The following PCDHGA1 variants were observed in gnomAD, a reference collection of about 807,000 sequenced individuals.
PCDHGA1 encodes protocadherin gamma subfamily A, 1, also known as protocadherin gamma-A1.
In PCDHGA1, 32 loss-of-function variants were observed where a neutral mutation model predicts 58.0. The observed-to-expected ratio is 0.55, with a 90% CI of 0.42 to 0.74. The LOEUF is 0.74. Among genes scored for constraint, PCDHGA1 ranks in the 30% least tolerant of loss-of-function variants. The probability of loss-of-function intolerance (pLI) is 0.00; values close to 1 mark genes in which losing one functional copy is unlikely to be tolerated. For missense variants in PCDHGA1, 1,205 were observed against 1,182.3 expected, an observed-to-expected ratio of 1.02 and a Z score of -0.28; for synonymous variants, 498 against 501.1, an observed-to-expected ratio of 0.99 and a Z score of 0.08.
chr5:141,377,724 A>T (rs549902283), intron 1 of PCDHGA1: 1 of 152,244 alleles, frequency 6.6e-6, no homozygotes, highest in Non-Finnish European at 1.5e-5. Flanking sequence ...TTTTGAAAAG[A>T]TAAGAATCAT....
intron 1 of PCDHGA1, chr5:141,388,657 G>T (rs769160604): frequency 6.8e-6 from 11 of 1,613,878 alleles, no homozygotes; most frequent in Admixed American, 1.7e-5. Context: ...GTGTACCCGG[G>T]GACCACGGTG....
intron 1 of PCDHGA1, chr5:141,388,598 T>C: frequency 1.2e-6 from 2 of 1,613,920 alleles, no homozygotes; most frequent in Non-Finnish European, 1.7e-6. Context: ...CCAATGATAA[T>C]GCTCCAGTGT....
At chr5:141,388,908 G>A (rs1240421900) in intron 1 of PCDHGA1, 5 of 1,613,892 alleles carry the variant, frequency 3.1e-6, no homozygotes, top group Admixed American at 1.7e-5. Flanking sequence ...AAATGACAAC[G>A]CCCCAGAAGT....
intron 1 of PCDHGA1, among the ~76,000 whole-genome samples, chr5:141,480,290 C>T (rs1053173416): frequency 2.2e-5 from 3 of 134,088 alleles, no homozygotes; most frequent in Non-Finnish European, 4.7e-5. Flanking sequence ...TGGCATGCAC[C>T]TGTGGTACCA....
Position 141,491,170 on chromosome 5 carries a change from G to A in PCDHGA1, c.2422-3637G>A. The stretch of plus-strand genomic sequence containing the variant: ...GGAGGATGACTCTGACACCCAGCAG[G>A]TGGTGGTCCTGGTGAGGGACAATGG... On this transcript the variant is annotated intron_variant, in intron 1 of 3. Coordinates refer to ENST00000517417, the MANE Select transcript of PCDHGA1 (RefSeq NM_018912.3). The surrounding 1 kb of genome is among the most constrained non-coding windows in gnomAD (Gnocchi z 6.9). 6.2e-7 allele frequency: 1 copy of A among 1,614,176 alleles called. No individual in the cohort carries two copies. Among genetic ancestry groups the A allele is most frequent in the Non-Finnish European group, 8.5e-7 (1 of 1,179,996 alleles).
intron 1 of PCDHGA1, among the ~76,000 whole-genome samples, chr5:141,463,570 T>A (rs557041487): frequency 2.7e-5 from 4 of 146,586 alleles, no homozygotes; most frequent in Middle Eastern, 3.5e-3. Context: ...TGCCTCAGCC[T>A]CCCGAGTAGC....
intron 2 of PCDHGA1, among the ~76,000 whole-genome samples, chr5:141,501,306 C>T (rs1016823458): frequency 5.3e-5 from 8 of 151,412 alleles, no homozygotes; most frequent in Non-Finnish European, 8.8e-5. Context: ...CACACACACA[C>T]ACACACACAC....
intron 2 of PCDHGA1, among the ~76,000 whole-genome samples, chr5:141,496,505 A>G (rs1166234572): frequency 1.3e-5 from 2 of 152,144 alleles, no homozygotes; most frequent in Non-Finnish European, 2.9e-5. Flanking sequence ...TGTTGCCACA[A>G]GGACCCAGGA....
chr5:141,331,726 A>G lies in PCDHGA1; in HGVS notation c.1042A>G (p.Thr348Ala). ...TGTAAATGATAATGCCCCAGAAGTG[A>G]CCATCACCTCTGTCACCACTGCAGT... Reference protein sequence around the residue: ...LDVNDNAPEVTITSVTTAVPE... With the variant: ...LDVNDNAPEVAITSVTTAVPE... Residue 348 changes from threonine (T) to alanine (A), a missense_variant, in exon 1 of 4, where the codon ACC becomes GCC. Coordinates refer to ENST00000517417, the MANE Select transcript of PCDHGA1 (RefSeq NM_018912.3). 3.1e-6 allele frequency: 5 copies of G among 1,614,106 alleles called. No homozygotes were observed. Among genetic ancestry groups the G allele is most frequent in the Non-Finnish European group, 4.2e-6 (5 of 1,180,022 alleles).
chr5:141,341,646 A>C (rs759028955), intron 1 of PCDHGA1: 7 of 718,300 alleles, frequency 9.7e-6, no homozygotes, highest in Non-Finnish European at 1.6e-5. Flanking sequence ...AGAGCACTGC[A>C]TTAGGAACTA....
At chr5:141,447,121 T>C (rs1341601610) in intron 1 of PCDHGA1, among the ~76,000 whole-genome samples, 1 of 152,104 alleles carries the variant, frequency 6.6e-6, no homozygotes, top group Non-Finnish European at 1.5e-5. Flanking sequence ...CTCCATGGAT[T>C]TTTTTGTTTG....
At position 141,331,095 on chromosome 5, in the gene PCDHGA1, A is replaced by G. The variant is rs776386909; in HGVS notation, c.411A>G (p.Glu137=). Residue 137 remains glutamate, a synonymous_variant, in exon 1 of 4, where the codon GAA becomes GAG. Coordinates refer to ENST00000517417, the MANE Select transcript of PCDHGA1 (RefSeq NM_018912.3). ...NDNTPQFQLE[E]LEFKMNEITT... is the part of the protein sequence containing the mutation. ...ACACTCCCCAATTCCAGTTAGAGGA[A>G]CTGGAGTTTAAAATGAATGAAATAA... The G allele has an allele frequency of 6.2e-7, 1 of 1,613,904 alleles. No homozygotes were observed. Among genetic ancestry groups the G allele is most frequent in the Non-Finnish European group, 8.5e-7 (1 of 1,179,900 alleles).
At chr5:141,389,170 C>CCCTCT (rs2091633405) in intron 1 of PCDHGA1, 3 of 1,614,006 alleles carry the variant, frequency 1.9e-6, no homozygotes, top group Non-Finnish European at 2.5e-6. Context: ...GGCAAGCCTC[C>CCCTCT]CCTCTCCTCC....
At chr5:141,421,705 G>C (rs1249601582) in intron 1 of PCDHGA1, 1 of 1,613,944 alleles carries the variant, frequency 6.2e-7, no homozygotes, top group Non-Finnish European at 8.5e-7. Context: ...TAATGCTAGG[G>C]ATCCAGATGT....
At chr5:141,433,397 A>C (rs189987785) in intron 1 of PCDHGA1, among the ~76,000 whole-genome samples, 2 of 150,410 alleles carry the variant, frequency 1.3e-5, no homozygotes, top group African/African-American at 4.9e-5. Context: ...CTATCTATCT[A>C]TCTATCTATT....
chr5:141,415,044 G>T, intron 1 of PCDHGA1: 2 of 1,613,506 alleles, frequency 1.2e-6, no homozygotes, highest in East Asian at 2.2e-5. Flanking sequence ...TCTTCGCGGT[G>T]GGGGAGCACA....
intron 1 of PCDHGA1, chr5:141,484,889 T>C (rs2099602721): frequency 2.8e-6 from 1 of 363,070 alleles, no homozygotes. Flanking sequence ...GTGGGCTTTT[T>C]CCCCTCCAAT....
chr5:141,389,770 C>A, intron 1 of PCDHGA1: 4 of 1,613,166 alleles, frequency 2.5e-6, no homozygotes, highest in Non-Finnish European at 3.4e-6. Context: ...ACAGCGCGTG[C>A]CTTAGGCGAC....
At chr5:141,339,749 C>T (rs145851665) in intron 1 of PCDHGA1, 1 of 1,614,068 alleles carries the variant, frequency 6.2e-7, no homozygotes, top group South Asian at 1.1e-5. Context: ...CGTGGGCACC[C>T]GGATACTCAC....
Sources: allele counts gnomAD v4.1 joint callset (sites outside exome capture counted in the v4.1 genomes callset), GRCh38; gene constraint gnomAD v4.1.1; non-coding constraint Gnocchi (gnomAD v3.1); transcripts MANE v1.5; gene names NCBI Gene and HGNC (gene_info 2026-07-23, HGNC 2026-07-21).